MAF: variants seen among roughly 807,000 people sequenced by gnomAD.
MAF encodes the protein MAF bZIP transcription factor.
MAF carries 10 observed loss-of-function variants against 22.0 expected under a neutral mutation model. The observed-to-expected ratio is 0.45, with a 90% confidence interval of 0.28 to 0.77. MAF has a LOEUF of 0.77. Ranked by LOEUF, MAF falls within the 30% of genes least tolerant of loss-of-function variation. MAF has a pLI of 0.12. For synonymous variants in MAF, 337 were observed against 255.8 expected, an observed-to-expected ratio of 1.32 and a Z score of -3.03; for missense variants, 544 against 548.4, an observed-to-expected ratio of 0.99 and a Z score of 0.08.
the MAF span, among the ~76,000 whole-genome samples, chr16:79,566,530 C>T: frequency 2.6e-5 from 4 of 152,354 alleles, no homozygotes; most frequent in Admixed American, 2.0e-4. Context: ...CCAACCATCT[C>T]TGGAGGGTTG....
the MAF span, among the ~76,000 whole-genome samples, chr16:79,240,024 G>C: frequency 6.6e-6 from 1 of 151,904 alleles, no homozygotes; most frequent in African/African-American, 2.4e-5. Flanking sequence ...ATTTTAAATG[G>C]GTTATCAAGG....
intron 1 of MAF, chr16:79,598,134 G>T: frequency 9.6e-7 from 1 of 1,044,432 alleles, no homozygotes; most frequent in Non-Finnish European, 1.2e-6. Flanking sequence ...AATCTCACAT[G>T]AAGAACTCAG....
the MAF span, among the ~76,000 whole-genome samples, chr16:79,448,672 G>A: frequency 1.1e-4 from 16 of 151,832 alleles, no homozygotes; most frequent in Non-Finnish European, 7.4e-5. Flanking sequence ...TGATCCACAC[G>A]CCTCAACCTC....
chr16:79,366,961 T>C, the MAF span, among the ~76,000 whole-genome samples: 1 of 152,206 alleles, frequency 6.6e-6, no homozygotes. Context: ...AAGTGCCCCA[T>C]CTGTAAATAT....
the MAF span, among the ~76,000 whole-genome samples, chr16:79,341,971 G>A: frequency 2.3e-4 from 35 of 152,364 alleles, no homozygotes; most frequent in African/African-American, 8.4e-4. Context: ...TACTGCTGCT[G>A]CTACAACTAT....
the MAF span, among the ~76,000 whole-genome samples, chr16:79,247,577 G>A: frequency 1.3e-5 from 2 of 152,224 alleles, no homozygotes; most frequent in Non-Finnish European, 1.5e-5. Context: ...AACACTCTGC[G>A]CAAACATTTC....
chr16:79,559,974 G>A, the MAF span, among the ~76,000 whole-genome samples: 1 of 152,198 alleles, frequency 6.6e-6, no homozygotes, highest in Non-Finnish European at 1.5e-5. Context: ...CACAATCACA[G>A]TTCGCTGCAG....
At chr16:79,451,497 T>A in the MAF span, among the ~76,000 whole-genome samples, 9 of 152,204 alleles carry the variant, frequency 5.9e-5, no homozygotes, top group Non-Finnish European at 8.8e-5. Context: ...CCTTGAAGCA[T>A]TTCTGGCTCT....
At chr16:79,213,899 CCTACTTCTCTTATAATTTGGTCTCCAG>C in the MAF span, among the ~76,000 whole-genome samples, 1 of 152,002 alleles carries the variant, frequency 6.6e-6, no homozygotes, top group Admixed American at 6.6e-5. Flanking sequence ...TTTTTTCTAC[CCTACTTCTCTTATAATTTGGTCTCCAG>C]CTACCTCTCT....
the MAF span, among the ~76,000 whole-genome samples, chr16:79,556,477 C>T: frequency 2.0e-5 from 3 of 152,128 alleles, no homozygotes. Context: ...CCTGAACCCA[C>T]AATAATAACC....
chr16:79,444,130 G>C, the MAF span, among the ~76,000 whole-genome samples: 1 of 151,914 alleles, frequency 6.6e-6, no homozygotes, highest in Non-Finnish European at 1.5e-5. Flanking sequence ...TATTAAATGG[G>C]TAAAGCAAAA....
the MAF span, among the ~76,000 whole-genome samples, chr16:79,223,509 G>C: frequency 6.6e-6 from 1 of 152,120 alleles, no homozygotes; most frequent in Admixed American, 6.5e-5. Flanking sequence ...AAATAACTAA[G>C]ATCAGAGCAG....
chr16:79,376,498 T>C, the MAF span, among the ~76,000 whole-genome samples: 9 of 152,184 alleles, frequency 5.9e-5, no homozygotes, highest in Non-Finnish European at 5.9e-5. Flanking sequence ...CTTTGTTTAG[T>C]TGAGAATACA....
chr16:79,290,695 T>A, the MAF span, among the ~76,000 whole-genome samples: 1 of 152,130 alleles, frequency 6.6e-6, no homozygotes, highest in Non-Finnish European at 1.5e-5. Flanking sequence ...CACTGTGTGA[T>A]CTGTCTGTTC....
chr16:79,433,135 T>C, the MAF span, among the ~76,000 whole-genome samples: 5 of 152,236 alleles, frequency 3.3e-5, no homozygotes, highest in South Asian at 2.1e-4. Flanking sequence ...TTTGCAATAG[T>C]TCCTGAATTA....
At chr16:79,205,355 G>A in the MAF span, 2 of 152,236 alleles carry the variant, frequency 1.3e-5, no homozygotes, top group Non-Finnish European at 2.9e-5. Flanking sequence ...AGAGGCAACT[G>A]AAAAGGAGCC....
the MAF span, among the ~76,000 whole-genome samples, chr16:79,330,433 G>A: frequency 6.6e-6 from 1 of 152,120 alleles, no homozygotes; most frequent in Non-Finnish European, 1.5e-5. Context: ...GGAAATCCAG[G>A]CCCACCTTTG....
chr16:79,239,097 T>A, the MAF span, among the ~76,000 whole-genome samples: 2 of 152,068 alleles, frequency 1.3e-5, no homozygotes, highest in Non-Finnish European at 2.9e-5. Flanking sequence ...CAAGGATTTG[T>A]CCATAGTCAC....
the MAF span, chr16:79,211,611 C>T: frequency 5.0e-6 from 8 of 1,614,184 alleles, no homozygotes; most frequent in East Asian, 1.3e-4. Flanking sequence ...TTTCCAGCAA[C>T]AGGGAGCTGC....
Sources: gnomAD v4.1 joint callset for allele counts (sites outside exome capture counted in the v4.1 genomes callset) on GRCh38, gnomAD v4.1.1 for gene constraint, MANE v1.5 for transcripts, NCBI Gene and HGNC (gene_info 2026-07-23, HGNC 2026-07-21) for gene names.